The following KANSL3 variants were observed in gnomAD, a reference collection of about 807,000 sequenced individuals.
KANSL3 encodes KAT8 regulatory NSL complex subunit 3.
Under a neutral mutation model 89.2 loss-of-function variants are expected in KANSL3, and 16 were observed. The observed-to-expected ratio is 0.18, with a 90% CI of 0.12 to 0.27. KANSL3 has a LOEUF of 0.27. Ranked by LOEUF, KANSL3 falls within the 10% of genes least tolerant of loss-of-function variation. The probability of loss-of-function intolerance (pLI) is 1.00; values close to 1 mark genes in which losing one functional copy is unlikely to be tolerated. For missense variants in KANSL3, 879 were observed against 1,110.6 expected, an observed-to-expected ratio of 0.79 and a Z score of 2.96; for synonymous variants, 385 against 419.7, an observed-to-expected ratio of 0.92 and a Z score of 1.01.
intron 20 of KANSL3, chr2:96,600,514 A>C: frequency 1.0e-6 from 1 of 985,414 alleles, no homozygotes. Flanking sequence ...CTAAAGAGGA[A>C]GAGACAGAAG....
chr2:96,614,886 A>G (rs1349028092), intron 5 of KANSL3, among the ~76,000 whole-genome samples: 7 of 151,886 alleles, frequency 4.6e-5, no homozygotes, highest in African/African-American at 1.7e-4. Context: ...ACACGTATAC[A>G]TATGTAACAA....
intron 6 of KANSL3, among the ~76,000 whole-genome samples, 174 bp downstream of exon 6, chr2:96,613,311 CAGT>C (rs2069353905): frequency 2.6e-5 from 4 of 152,134 alleles, no homozygotes; most frequent in Admixed American, 1.3e-4. Flanking sequence ...GTGGAGGTTG[CAGT>C]AAGCTGAGAT....
chr2:96,612,754 TCTC>T (rs758075473), intron 7 of KANSL3, 61 bp downstream of exon 7: 3 of 1,360,008 alleles, frequency 2.2e-6, no homozygotes, highest in African/African-American at 1.4e-5. Flanking sequence ...CACATATTCT[TCTC>T]CTCAATCCTC....
chr2:96,634,551 C>G (rs1351072430), intron 2 of KANSL3, among the ~76,000 whole-genome samples: 1 of 151,636 alleles, frequency 6.6e-6, no homozygotes, highest in African/African-American at 2.4e-5. Context: ...AATCCTAGTG[C>G]CCCAAGGGTC....
rs139538879 is a variant in KANSL3, at chr2:96,613,736, C to G, written c.664-117G>C. On this transcript the variant is annotated intron_variant, in intron 5 of 20. Coordinates refer to ENST00000431828, the MANE Select transcript of KANSL3 (RefSeq NM_001115016.3). ...AGCCATAGACAGACTTCAACTAAGC[C>G]TCTGAAAACCTCCTAAGGATCAAGA... The G allele has an allele frequency of 4.7e-4, 392 of 826,690 alleles. 3 individuals are homozygous for G. The African/African-American group carries it at 5.8e-3, about 12-fold the overall frequency. The allele number at this position is 826,690 out of a possible 1,614,324, so 51.2% of individuals were successfully genotyped here. A position where few individuals can be genotyped will look rare whatever the true frequency, so the allele number is the denominator to read the frequency against.
chr2:96,624,460 C>T lies in KANSL3; in HGVS notation c.387-4698G>A, dbSNP rs564063861. 4.5e-4 allele frequency among the ~76,000 whole-genome samples: 69 copies of T among 152,268 alleles called. 1 individual carries two copies. The South Asian group carries it at 0.014, about 32-fold the overall frequency. The stretch of plus-strand genomic sequence containing the variant: ...TGCATTTTTTATTGCAATTTATAAG[C>T]CACTGCAGTGACCACCCCTCCCTTC... On this transcript the variant is annotated intron_variant, in intron 3 of 20. Transcript: ENST00000431828.
chr2:96,619,635 C>A, intron 4 of KANSL3, 37 bp downstream of exon 4: 1 of 1,593,782 alleles, frequency 6.3e-7, no homozygotes, highest in Non-Finnish European at 8.5e-7. Context: ...GCCTGAACTA[C>A]GAAGAGCCCA....
chr2:96,581,892 G>C, the KANSL3 span, among the ~76,000 whole-genome samples: 1 of 152,116 alleles, frequency 6.6e-6, no homozygotes, highest in Admixed American at 6.5e-5. Context: ...TGAGATTCTT[G>C]AACCTACAAA....
chr2:96,609,075 G>A lies in KANSL3; in HGVS notation c.1384-11C>T. ...GTCCACAATCTCATCCTAGTGTAGA[G>A]AGGAGCCAACCAAGGCCTTTTAGTC... On this transcript the variant is annotated splice_polypyrimidine_tract_variant and intron_variant, in intron 12 of 20. Coordinates refer to ENST00000431828, the MANE Select transcript of KANSL3 (RefSeq NM_001115016.3). 1 of 1,553,824 alleles carries A rather than the reference G, an allele frequency of 6.4e-7. No individual in the cohort carries two copies. Among genetic ancestry groups the A allele is most frequent in the Non-Finnish European group, 8.7e-7 (1 of 1,148,130 alleles).
At chr2:96,609,378 G>T in intron 12 of KANSL3, 121 bp downstream of exon 12, 1 of 825,186 alleles carries the variant, frequency 1.2e-6, no homozygotes, top group Non-Finnish European at 2.1e-6. Flanking sequence ...TTATGACTGA[G>T]ACCTACCAGA....
Position 96,595,478 on chromosome 2 carries a change from G to A in KANSL3, c.*133C>T, listed in dbSNP as rs906392261. ...AATGGTTTCTCTGAAGACAGTTGGC[G>A]GAGAGGCAAAAATGACTGTCTTAAA... is the stretch of plus-strand genomic sequence containing the variant. On this transcript the variant is annotated 3_prime_UTR_variant, in exon 21 of 21. Coordinates refer to ENST00000431828, the MANE Select transcript of KANSL3 (RefSeq NM_001115016.3). The A allele has an allele frequency of 1.6e-5, 13 of 823,804 alleles. No individual in the cohort carries two copies. The highest frequency in any genetic ancestry group is 8.6e-5 in the African/African-American group (5 of 58,408). 51.0% of individuals were successfully genotyped at this position (823,804 alleles called of 1,614,324 possible). A position where few individuals can be genotyped will look rare whatever the true frequency, so the allele number is the denominator to read the frequency against.
At chr2:96,631,873 C>G (rs1573637424) in intron 2 of KANSL3, among the ~76,000 whole-genome samples, 1 of 151,888 alleles carries the variant, frequency 6.6e-6, no homozygotes, top group Non-Finnish European at 1.5e-5. Flanking sequence ...ATGAGGAAAC[C>G]CTGTCTCTAC....
At chr2:96,628,033 T>C (rs779708403) in intron 3 of KANSL3, 1 of 1,290,418 alleles carries the variant, frequency 7.7e-7, no homozygotes, top group South Asian at 1.2e-5. Flanking sequence ...ATTACATCAA[T>C]CTGTGGCAAT....
chr2:96,608,182 C>T (rs553234679), intron 14 of KANSL3, among the ~76,000 whole-genome samples: 1 of 152,238 alleles, frequency 6.6e-6, no homozygotes, highest in East Asian at 1.9e-4. Flanking sequence ...AAATCAATCA[C>T]CCAATACATA....
rs531349380 is a variant in KANSL3 at position 96,597,202 on chromosome 2, G to A, written c.2617-1571C>T. ...ACACATTAAAAAGGTTAACAATTCCGTAATATCAACAACTATCCAGTCAGT... is the reference window on the plus strand; with the variant it reads ...ACACATTAAAAAGGTTAACAATTCCATAATATCAACAACTATCCAGTCAGT... On this transcript the variant is annotated intron_variant, in intron 20 of 20. Transcript: ENST00000431828. Among the ~76,000 whole-genome samples the A allele has an allele frequency of 1.4e-4, 21 of 152,244 alleles. No homozygotes were observed. The South Asian group carries it at 3.3e-3, about 24-fold the overall frequency.
At chr2:96,612,592 G>T in intron 7 of KANSL3, 29 bp from the exon 8 acceptor site, 2 of 1,552,034 alleles carry the variant, frequency 1.3e-6, no homozygotes, top group Non-Finnish European at 1.8e-6. Flanking sequence ...CCCCACACCA[G>T]CAGAGGTAAG....
intron 2 of KANSL3, among the ~76,000 whole-genome samples, chr2:96,632,481 T>C (rs1471860080): frequency 6.6e-6 from 1 of 151,896 alleles, no homozygotes; most frequent in African/African-American, 2.4e-5. Context: ...GACAATATAT[T>C]CCATAAGCAA....
intron 5 of KANSL3, among the ~76,000 whole-genome samples, chr2:96,614,249 T>C (rs2069543064): frequency 6.6e-6 from 1 of 151,980 alleles, no homozygotes; most frequent in African/African-American, 2.4e-5. Flanking sequence ...TGCACCACCA[T>C]ACCCAGCTAA....
At chr2:96,600,878 A>C (rs2067076715) in intron 20 of KANSL3, 1 of 985,336 alleles carries the variant, frequency 1.0e-6, no homozygotes, top group South Asian at 4.7e-5. Flanking sequence ...CTAGAAAGCC[A>C]ATGTCAAAGA....
Sources: allele counts gnomAD v4.1 joint callset (sites outside exome capture counted in the v4.1 genomes callset), GRCh38; gene constraint gnomAD v4.1.1; transcripts MANE v1.5; gene names NCBI Gene and HGNC (gene_info 2026-07-23, HGNC 2026-07-21).